PTPRG: variants seen among roughly 807,000 people sequenced by gnomAD.
PTPRG encodes protein tyrosine phosphatase receptor type G.
Under a neutral mutation model 165.3 loss-of-function variants are expected in PTPRG, and 102 were observed. The ratio of observed to expected loss-of-function variants is 0.62; its 90% CI spans 0.53 to 0.73. PTPRG has a LOEUF of 0.73. Among genes scored for constraint, PTPRG ranks in the 30% least tolerant of loss-of-function variants. PTPRG has a pLI of 0.00. For missense variants in PTPRG, 1,866 were observed against 1,861.4 expected, an observed-to-expected ratio of 1.00 and a Z score of -0.05; for synonymous variants, 675 against 669.5, an observed-to-expected ratio of 1.01 and a Z score of -0.13.
intron 1 of PTPRG, among the ~76,000 whole-genome samples, chr3:61,627,714 A>G (rs1701651142): frequency 6.6e-6 from 1 of 152,186 alleles, no homozygotes; most frequent in Non-Finnish European, 1.5e-5. Context: ...CTTTTGTAGG[A>G]ATTAGCAGGT....
intron 2 of PTPRG, among the ~76,000 whole-genome samples, chr3:61,773,198 A>G (rs982243797): frequency 3.3e-5 from 5 of 152,188 alleles, no homozygotes; most frequent in African/African-American, 1.2e-4. Context: ...AGAGTGTGTT[A>G]TTGATGCAGT....
intron 2 of PTPRG, among the ~76,000 whole-genome samples, chr3:61,976,134 C>G (rs112691785): frequency 1.3e-3 from 202 of 152,226 alleles, no homozygotes; most frequent in African/African-American, 4.5e-3. Flanking sequence ...TCAGCGAGAT[C>G]CTTGACAGAA....
intron 4 of PTPRG, among the ~76,000 whole-genome samples, chr3:62,031,011 G>A (rs17065715): frequency 6.6e-6 from 1 of 152,056 alleles, no homozygotes; most frequent in Non-Finnish European, 1.5e-5. Context: ...CTGGCTAAAC[G>A]GGCAACTCTA....
intron 2 of PTPRG, among the ~76,000 whole-genome samples, chr3:61,875,467 C>T (rs1225841775): frequency 1.3e-5 from 2 of 152,100 alleles, no homozygotes; most frequent in Non-Finnish European, 2.9e-5. Flanking sequence ...TAAGTGCCAT[C>T]CTTATACAGA....
intron 5 of PTPRG, among the ~76,000 whole-genome samples, chr3:62,116,080 T>G (rs931928): frequency 0.72 from 109,865 of 151,930 alleles, 39,988 homozygotes; most frequent in Middle Eastern, 0.79. Context: ...TGTCAGAGTT[T>G]GGGGAATTGA....
chr3:61,621,051 A>ATATGTGTGTG lies in PTPRG; in HGVS notation c.85+58680_85+58681insATGTGTGTGT. ...TGTGTGTGTATATATATATATATATATGTGTGTGTGTGTGTGTGTGTGTGT... is the reference window on the plus strand; with the variant it reads ...TGTGTGTGTATATATATATATATATATATGTGTGTGTGTGTGTGTGTGTGTGTGTGTGTGT... On this transcript the variant is annotated intron_variant, in intron 1 of 29. Transcript: ENST00000474889. 1.2e-3 allele frequency among the ~76,000 whole-genome samples: 142 copies of ATATGTGTGTG among 117,990 alleles called. 1 individual carries two copies. The highest frequency in any genetic ancestry group is 3.7e-3 in the African/African-American group (125 of 33,518). The allele number at this position is 117,990 out of a possible 152,430, so 77.4% of individuals were successfully genotyped here.
chr3:62,210,240 T>C lies in PTPRG; in HGVS notation c.2155+6290T>C, dbSNP rs963634233. Among the ~76,000 whole-genome samples, 1 of 152,188 alleles carries C rather than the reference T, an allele frequency of 6.6e-6. No individual in the cohort carries two copies. Among genetic ancestry groups the C allele is most frequent in the Non-Finnish European group, 1.5e-5 (1 of 68,030 alleles). On this transcript the variant is annotated intron_variant, in intron 12 of 29. Transcript: ENST00000474889. The surrounding 1 kb of genome is among the most constrained non-coding windows in gnomAD (Gnocchi z 4.1). The stretch of plus-strand genomic sequence containing the variant: ...CCCACACGAGTTAACACAGAGCCAG[T>C]GTCCTGTTGCAAGAGAACATATTTA...
chr3:61,732,993 A>G (rs1457089682), intron 1 of PTPRG, among the ~76,000 whole-genome samples: 1 of 152,158 alleles, frequency 6.6e-6, no homozygotes, highest in Non-Finnish European at 1.5e-5. Flanking sequence ...TTCAGGAATG[A>G]TCACTTTTAT....
In PTPRG at chr3:61,627,295, G is replaced by A. The variant is rs141508394; in HGVS notation, c.85+64923G>A. On this transcript the variant is annotated intron_variant, in intron 1 of 29. Transcript: ENST00000474889. ...TCTGGAACTTGCTTTAGGATAATTC[G>A]GTTGGAGTAAGGTGTGATTTGGGGT... 3.9e-5 allele frequency among the ~76,000 whole-genome samples: 6 copies of A among 152,196 alleles called. No homozygotes were observed. In the South Asian group the frequency reaches 6.2e-4, roughly 16 times the overall value.
At chr3:61,779,889 G>A (rs1452196227) in intron 2 of PTPRG, among the ~76,000 whole-genome samples, 1 of 152,172 alleles carries the variant, frequency 6.6e-6, no homozygotes, top group Non-Finnish European at 1.5e-5. Context: ...GGGAATCCAT[G>A]TCCGATAGCG....
chr3:62,158,181 A>G (rs2106701636), intron 7 of PTPRG, among the ~76,000 whole-genome samples: 1 of 152,332 alleles, frequency 6.6e-6, no homozygotes, highest in Middle Eastern at 3.4e-3. Flanking sequence ...AAGGGGAACC[A>G]TCCAGGCAGT....
chr3:62,292,482 A>G lies in PTPRG; in HGVS notation c.4117A>G (p.Asn1373Asp), dbSNP rs1702933174. 1 of 1,613,592 alleles carries G rather than the reference A, an allele frequency of 6.2e-7. No homozygotes were observed. Among genetic ancestry groups the G allele is most frequent in the Admixed American group, 1.7e-5 (1 of 59,944 alleles). Residue 1373 changes from asparagine (N) to aspartate (D), a missense_variant, in exon 29 of 30, where the codon AAT (asparagine) becomes GAT (aspartate). Physicochemically the swap from Asn to Asp is conservative, Grantham distance 23. This residue lies in a region of PTPRG where 1,452 missense variants were observed against 1,463.0 expected (regional missense o/e 0.99). Transcript: ENST00000474889. ...ALTTLSQQLE[N>D]ENAVDVFQVA... is the part of the protein sequence containing the mutation. ...TACCACCCTGTCCCAGCAACTGGAG[A>G]ATGAAAATGCTGTGGATGTTTTCCA...
chr3:62,267,559 A>G, intron 18 of PTPRG, 67 bp downstream of exon 18: 2 of 1,533,316 alleles, frequency 1.3e-6, no homozygotes, highest in Non-Finnish European at 1.8e-6. Flanking sequence ...ACTGTTTAAT[A>G]TATTTTAATA....
intron 4 of PTPRG, among the ~76,000 whole-genome samples, chr3:62,047,882 T>A (rs190617265): frequency 1.4e-3 from 214 of 152,286 alleles, no homozygotes; most frequent in African/African-American, 5.1e-3. Flanking sequence ...CAGGTTTACA[T>A]TTACAGGATC....
intron 2 of PTPRG, among the ~76,000 whole-genome samples, chr3:61,936,378 G>C (rs1388160539): frequency 6.6e-6 from 1 of 152,202 alleles, no homozygotes; most frequent in Admixed American, 6.5e-5. Context: ...CTTGAATCCA[G>C]AACTCATGCT....
intron 2 of PTPRG, among the ~76,000 whole-genome samples, chr3:61,923,217 A>G (rs541369270): frequency 5.3e-5 from 8 of 152,198 alleles, no homozygotes; most frequent in Non-Finnish European, 1.0e-4. Context: ...CCCAAACTTC[A>G]CAAAATTAAT....
Position 62,203,360 on chromosome 3 carries a change from G to C in PTPRG, c.1565G>C (p.Gly522Ala). ...ACGCTGCTCGCCGGCCTGGGGTTCG[G>C]CGGTGGTGGCATCTCCTCTTTCCCC... is the stretch of plus-strand genomic sequence containing the variant. Reference protein sequence around the residue: ...TSTLLAGLGFGGGGISSFPST... With the variant: ...TSTLLAGLGFAGGGISSFPST... The change falls in exon 12 of 30, where the codon GGC (glycine) becomes GCC (alanine). Residue 522 changes from glycine (G) to alanine (A), a missense_variant. Gly to Ala is a moderately conservative substitution (Grantham distance 60). This residue lies in a region of PTPRG where 1,452 missense variants were observed against 1,463.0 expected (regional missense o/e 0.99). Transcript: ENST00000474889. This position sits in a 1 kb window ranked among gnomAD's most constrained non-coding sequence, Gnocchi z 6.4. The C allele has an allele frequency of 6.2e-7, 1 of 1,613,184 alleles. No individual in the cohort carries two copies. The highest frequency in any genetic ancestry group is 1.1e-5 in the South Asian group (1 of 91,036).
At chr3:62,014,312 C>G (rs910780236) in intron 4 of PTPRG, among the ~76,000 whole-genome samples, 1 of 152,152 alleles carries the variant, frequency 6.6e-6, no homozygotes, top group Admixed American at 6.5e-5. Flanking sequence ...AGCACGGATA[C>G]TGCTCTGGAT....
At chr3:61,669,945 G>A (rs1353348418) in intron 1 of PTPRG, among the ~76,000 whole-genome samples, 1 of 152,176 alleles carries the variant, frequency 6.6e-6, no homozygotes, top group Non-Finnish European at 1.5e-5. Flanking sequence ...GCTTGGTAGG[G>A]TGGTTGAGTT....
Sources: gnomAD v4.1 joint callset for allele counts (sites outside exome capture counted in the v4.1 genomes callset) on GRCh38, gnomAD v4.1.1 for gene constraint, gnomAD v4.1.1 regional missense constraint, Gnocchi (gnomAD v3.1) non-coding constraint, MANE v1.5 for transcripts, NCBI Gene and HGNC (gene_info 2026-07-23, HGNC 2026-07-21) for gene names.